Variants in CUL5 observed in about 807,000 individuals in gnomAD.
CUL5 encodes cullin-5.
A neutral mutation model predicts 108.8 loss-of-function variants in CUL5; 26 were observed. The observed-to-expected ratio is 0.24, with a 90% CI of 0.18 to 0.33. The LOEUF is 0.33. Among genes scored for constraint, CUL5 ranks in the 10% least tolerant of loss-of-function variants. The pLI, the probability that CUL5 is intolerant of heterozygous loss-of-function variation, is 1.00. For synonymous variants in CUL5, 334 were observed against 298.0 expected, an observed-to-expected ratio of 1.12 and a Z score of -1.25; for missense variants, 524 against 909.2, an observed-to-expected ratio of 0.58 and a Z score of 5.45.
intron 7 of CUL5, among the ~76,000 whole-genome samples, chr11:108,069,156 C>T (rs1288819475): frequency 2.0e-5 from 3 of 152,128 alleles, no homozygotes; most frequent in South Asian, 2.1e-4. Context: ...ACTCAAGAGG[C>T]TGAGGCAGGA....
intron 11 of CUL5, among the ~76,000 whole-genome samples, chr11:108,079,752 A>C (rs1156769996): frequency 3.9e-5 from 6 of 152,070 alleles, no homozygotes. Context: ...GTCCCACCCC[A>C]CCTCCTTCCA....
In CUL5 at chr11:108,012,678, C is replaced by T. The variant is rs545223304; in HGVS notation, c.24+3306C>T. Among the ~76,000 whole-genome samples, 8 of 149,648 alleles carry T rather than the reference C, an allele frequency of 5.3e-5. No homozygotes were observed. In the East Asian group the frequency reaches 1.6e-3, roughly 30 times the overall value. On this transcript the variant is annotated intron_variant, in intron 1 of 18. Coordinates refer to ENST00000393094, the MANE Select transcript of CUL5 (RefSeq NM_003478.6). ...TGGTGTGGATCTCCACTCACTGCAA[C>T]CTCCGCCTCCCAGGTTCAAGCAATT...
At chr11:108,069,209 A>G (rs1863763430) in intron 7 of CUL5, among the ~76,000 whole-genome samples, 1 of 152,192 alleles carries the variant, frequency 6.6e-6, no homozygotes, top group Admixed American at 6.5e-5. Flanking sequence ...GTGAGGTATG[A>G]TAGTAGCTAT....
chr11:108,026,396 C>A, intron 1 of CUL5, among the ~76,000 whole-genome samples: 1 of 152,116 alleles, frequency 6.6e-6, no homozygotes, highest in East Asian at 1.9e-4. Context: ...CTAACATTTC[C>A]TCCCCGATCT....
At chr11:108,082,512 A>G (rs1864115454) in intron 11 of CUL5, among the ~76,000 whole-genome samples, 1 of 152,152 alleles carries the variant, frequency 6.6e-6, no homozygotes, top group South Asian at 2.1e-4. Context: ...CCTGGGCTCA[A>G]GTGGTTCTCC....
At chr11:108,015,622 CA>C (rs1172567313) in intron 1 of CUL5, among the ~76,000 whole-genome samples, 2 of 152,140 alleles carry the variant, frequency 1.3e-5, no homozygotes, top group Non-Finnish European at 2.9e-5. Context: ...AAACAAATTT[CA>C]AGGGTGTCTG....
intron 11 of CUL5, among the ~76,000 whole-genome samples, chr11:108,082,875 C>T (rs1383591467): frequency 6.6e-6 from 1 of 151,994 alleles, no homozygotes; most frequent in Non-Finnish European, 1.5e-5. Flanking sequence ...GAGCCTCCTG[C>T]CTCTGCCTCT....
Position 108,009,389 on chromosome 11 carries a change from A to G in CUL5, c.24+17A>G, listed in dbSNP as rs748925540. ...CTGTTAAAGGTAAGACCCTCACTCC[A>G]GCTTGGGTTTTACTGTGTGGCCGCC... On this transcript the variant is annotated intron_variant, in intron 1 of 18. Transcript: ENST00000393094. 6.2e-7 allele frequency: 1 copy of G among 1,613,426 alleles called. No individual in the cohort carries two copies. The highest frequency in any genetic ancestry group is 8.5e-7 in the Non-Finnish European group (1 of 1,179,690).
Position 108,089,552 on chromosome 11 carries a change from T to C in CUL5, c.1372T>C (p.Leu458=). ...DVFMRYHKAH[L]TRRLILDISA... is the part of the protein sequence containing the mutation. The stretch of plus-strand genomic sequence containing the variant: ...TTTTATGAGGTATCATAAAGCTCAT[T>C]TGACACGACGTCTTATATTAGACAT... Residue 458 remains leucine (L), a synonymous_variant, in exon 13 of 19, where the codon TTG becomes CTG. Coordinates refer to ENST00000393094, the MANE Select transcript of CUL5 (RefSeq NM_003478.6). 1 of 1,569,270 alleles carries C rather than the reference T, an allele frequency of 6.4e-7. No homozygotes were observed. Among genetic ancestry groups the C allele is most frequent in the Non-Finnish European group, 8.6e-7 (1 of 1,161,594 alleles).
chr11:108,059,645 G>A (rs143261006), intron 7 of CUL5, among the ~76,000 whole-genome samples: 2 of 152,192 alleles, frequency 1.3e-5, no homozygotes, highest in South Asian at 2.1e-4. Flanking sequence ...TAGGGAGGCC[G>A]AGATGGGTGG....
chr11:108,060,729 C>T (rs11825746), intron 7 of CUL5, among the ~76,000 whole-genome samples: 20,116 of 151,700 alleles, frequency 0.13, 1,439 homozygotes, highest in African/African-American at 0.19. Context: ...CTCAGCTACT[C>T]GGGAGGCTGA....
chr11:108,095,012 T>G, intron 15 of CUL5, 25 bp downstream of exon 15: 1 of 1,569,644 alleles, frequency 6.4e-7, no homozygotes, highest in Non-Finnish European at 8.7e-7. Context: ...TGTTAGTTAT[T>G]TCAGCTTTCA....
rs539289117 is a variant in CUL5, at chr11:108,052,909, A to G, written c.553+108A>G. On this transcript the variant is annotated intron_variant, in intron 5 of 18. Transcript: ENST00000393094. ...TTTATTGGCATACAAAGTTACATCT[A>G]CTTTTTGTACTAGATACTTTTTTTG... 3.5e-6 allele frequency: 3 copies of G among 851,736 alleles called. No homozygotes were observed. In the South Asian group the frequency reaches 8.4e-5, roughly 24 times the overall value. 52.8% of individuals were successfully genotyped at this position (851,736 alleles called of 1,614,324 possible).
chr11:108,069,714 G>A (rs11828176), intron 7 of CUL5, among the ~76,000 whole-genome samples: 17,019 of 152,126 alleles, frequency 0.11, 967 homozygotes, highest in South Asian at 0.13. Context: ...GTGCCTGCAC[G>A]TAGTAGGCAT....
chr11:108,069,388 A>G (rs1565256650), intron 7 of CUL5, among the ~76,000 whole-genome samples: 2 of 152,082 alleles, frequency 1.3e-5, no homozygotes, highest in Non-Finnish European at 2.9e-5. Flanking sequence ...CTTCTCTTCC[A>G]CTGTCTGTTT....
At position 108,009,380 on chromosome 11, in the gene CUL5, C is replaced by A. The variant is rs780434923; in HGVS notation, c.24+8C>A. ...ACGTCTAATCTGTTAAAGGTAAGACCCTCACTCCAGCTTGGGTTTTACTGT... is the reference window on the plus strand; with the variant it reads ...ACGTCTAATCTGTTAAAGGTAAGACACTCACTCCAGCTTGGGTTTTACTGT... On this transcript the variant is annotated splice_region_variant and intron_variant, in intron 1 of 18. Coordinates refer to ENST00000393094, the MANE Select transcript of CUL5 (RefSeq NM_003478.6). 10 of 1,613,326 alleles carry A rather than the reference C, an allele frequency of 6.2e-6. No individual in the cohort carries two copies. The highest frequency in any genetic ancestry group is 8.5e-6 in the Non-Finnish European group (10 of 1,179,672).
intron 2 of CUL5, among the ~76,000 whole-genome samples, chr11:108,040,393 C>T (rs1862865263): frequency 6.6e-6 from 1 of 152,170 alleles, no homozygotes; most frequent in African/African-American, 2.4e-5. Context: ...AGGTGGATCA[C>T]CTGAGGTCAG....
intron 5 of CUL5, among the ~76,000 whole-genome samples, chr11:108,053,719 G>T (rs1275217744): frequency 7.0e-6 from 1 of 143,490 alleles, no homozygotes; most frequent in African/African-American, 2.6e-5. Flanking sequence ...TTGCTCTGTT[G>T]CCCAAGCTGG....
At chr11:108,103,323 G>C (rs954161753) in intron 18 of CUL5, among the ~76,000 whole-genome samples, 3 of 151,950 alleles carry the variant, frequency 2.0e-5, no homozygotes, top group Admixed American at 2.0e-4. Context: ...CACTTTGGGA[G>C]ACCAGGGCAG....
Sources: allele counts gnomAD v4.1 joint callset (sites outside exome capture counted in the v4.1 genomes callset), GRCh38; gene constraint gnomAD v4.1.1; transcripts MANE v1.5; gene names NCBI Gene and HGNC (gene_info 2026-07-23, HGNC 2026-07-21).